ARHGEF12: variants seen among roughly 807,000 people sequenced by gnomAD.
ARHGEF12 encodes KMT2A/ARHGEF12 fusion protein.
ARHGEF12 carries 66 observed loss-of-function variants against 211.2 expected under a neutral mutation model. That is an observed-to-expected ratio of 0.31 (90% CI 0.26 to 0.38). The LOEUF is 0.38. Among genes scored for constraint, ARHGEF12 ranks in the 10% least tolerant of loss-of-function variants. The pLI is 1.00. For missense variants in ARHGEF12, 1,429 were observed against 1,869.5 expected, an observed-to-expected ratio of 0.76 and a Z score of 4.34; for synonymous variants, 592 against 638.4, an observed-to-expected ratio of 0.93 and a Z score of 1.09.
At chr11:120,361,923 G>A (rs529281189) in intron 1 of ARHGEF12, among the ~76,000 whole-genome samples, 1 of 152,316 alleles carries the variant, frequency 6.6e-6, no homozygotes, top group African/African-American at 2.4e-5. Flanking sequence ...CAGCTCAAAA[G>A]GATGCATGAA....
At chr11:120,463,832 A>G (rs1042931563) in intron 27 of ARHGEF12, 5 of 152,224 alleles carry the variant, frequency 3.3e-5, no homozygotes, top group African/African-American at 7.2e-5. Context: ...TTTATGTACA[A>G]ACTTTTGGGA....
rs1442916205 is a variant in ARHGEF12 at position 120,480,065 on chromosome 11, C to T, written c.3872C>T (p.Pro1291Leu). 13 of 1,613,994 alleles carry T rather than the reference C, an allele frequency of 8.1e-6. No homozygotes were observed. The highest frequency in any genetic ancestry group is 1.6e-4 in the Middle Eastern group (1 of 6,084). The change falls in exon 38 of 41, where the codon CCG (proline) becomes CTG (leucine). Residue 1291 changes from proline (P) to leucine (L), a missense_variant. Physicochemically the swap from Pro to Leu is moderately conservative, Grantham distance 98. This residue lies in a region of ARHGEF12 where 467 missense variants were observed against 468.4 expected (regional missense o/e 1.00). Transcript: ENST00000397843. ...FPRYRTASQG[P>L]QTDSVIQNSE... is the part of the protein sequence containing the mutation. ...AGATACAGAACAGCCTCTCAGGGGC[C>T]GCAGACAGACAGTGTCATCCAGAAC...
At chr11:120,478,133 A>G (rs776814494) in intron 36 of ARHGEF12, 23 bp from the exon 37 acceptor site, 3 of 1,533,838 alleles carry the variant, frequency 2.0e-6, no homozygotes, top group Non-Finnish European at 2.7e-6. Flanking sequence ...GATATAGTCT[A>G]CCTTTTCTAT....
chr11:120,394,712 A>G (rs1318657870), intron 1 of ARHGEF12, among the ~76,000 whole-genome samples: 1 of 152,030 alleles, frequency 6.6e-6, no homozygotes, highest in Non-Finnish European at 1.5e-5. Context: ...ACACATTACT[A>G]ATATCATAAA....
Position 120,485,691 on chromosome 11 carries a change from T to C in ARHGEF12, c.*614T>C, listed in dbSNP as rs1171414342. 8.6e-6 allele frequency: 2 copies of C among 233,834 alleles called. No individual in the cohort carries two copies. The highest frequency in any genetic ancestry group is 1.7e-5 in the Non-Finnish European group (2 of 118,248). The allele number at this position is 233,834 out of a possible 1,614,324, so 14.5% of individuals were successfully genotyped here. The stretch of plus-strand genomic sequence containing the variant: ...GTAGGCTGCTTCTCTGAGGGTCACC[T>C]CAAAGGTATGCTATGCCGTGTGGCT... On this transcript the variant is annotated 3_prime_UTR_variant, in exon 41 of 41. Coordinates refer to ENST00000397843, the MANE Select transcript of ARHGEF12 (RefSeq NM_015313.3).
chr11:120,404,518 G>A (rs1944635818), intron 1 of ARHGEF12, among the ~76,000 whole-genome samples: 1 of 152,188 alleles, frequency 6.6e-6, no homozygotes, highest in African/African-American at 2.4e-5. Flanking sequence ...AAGTTGGACT[G>A]TGGGCGTGGT....
chr11:120,414,684 G>A (rs144305740), intron 4 of ARHGEF12, among the ~76,000 whole-genome samples: 1 of 152,222 alleles, frequency 6.6e-6, no homozygotes, highest in East Asian at 1.9e-4. Context: ...TACTCATATG[G>A]CACCAAGAAC....
At chr11:120,480,520 GGTGTGTGTGT>G (rs143487914) in intron 38 of ARHGEF12, 90 bp downstream of exon 38, 27 of 1,040,392 alleles carry the variant, frequency 2.6e-5, no homozygotes, top group Non-Finnish European at 3.6e-5. Flanking sequence ...TTGGTATCCA[GGTGTGTGTGT>G]GTGTGTGTGT....
At chr11:120,364,363 A>T (rs181822718) in intron 1 of ARHGEF12, among the ~76,000 whole-genome samples, 6 of 152,248 alleles carry the variant, frequency 3.9e-5, no homozygotes, top group Admixed American at 1.3e-4. Flanking sequence ...GCAGGTGGGC[A>T]TGTAAATTGG....
intron 27 of ARHGEF12, among the ~76,000 whole-genome samples, chr11:120,462,091 G>C (rs1298233216): frequency 6.6e-6 from 1 of 152,154 alleles, no homozygotes; most frequent in Admixed American, 6.5e-5. Flanking sequence ...TTTGGCGTAA[G>C]AGCCAAATCT....
Position 120,337,186 on chromosome 11 carries a change from G to C in ARHGEF12, c.-58G>C. The stretch of plus-strand genomic sequence containing the variant: ...ATCCCAGAGCACTGGGGGTGGGGAG[G>C]AGGTGTTACTGTAAAATGCAAGTTG... On this transcript the variant is annotated 5_prime_UTR_variant, in exon 1 of 41. Coordinates refer to ENST00000397843, the MANE Select transcript of ARHGEF12 (RefSeq NM_015313.3). 1 of 1,605,914 alleles carries C rather than the reference G, an allele frequency of 6.2e-7. No homozygotes were observed. Among genetic ancestry groups the C allele is most frequent in the Non-Finnish European group, 8.5e-7 (1 of 1,172,486 alleles).
chr11:120,407,219 A>AATG (rs746388944), intron 2 of ARHGEF12, among the ~76,000 whole-genome samples: 2 of 152,198 alleles, frequency 1.3e-5, no homozygotes, highest in Non-Finnish European at 2.9e-5. Context: ...TAATAATAAT[A>AATG]ATGTCATTGG....
intron 1 of ARHGEF12, among the ~76,000 whole-genome samples, chr11:120,363,920 T>C (rs1383985017): frequency 2.0e-5 from 3 of 152,300 alleles, no homozygotes; most frequent in Admixed American, 2.0e-4. Context: ...GGAACTTTAG[T>C]TTTCCAGCTT....
At chr11:120,393,394 T>C (rs1417334883) in intron 1 of ARHGEF12, among the ~76,000 whole-genome samples, 1 of 152,178 alleles carries the variant, frequency 6.6e-6, no homozygotes, top group African/African-American at 2.4e-5. Context: ...ACTATCAGAT[T>C]AGATGAAACA....
chr11:120,448,917 A>G, intron 20 of ARHGEF12, 192 bp from the exon 21 acceptor site: 1 of 446,912 alleles, frequency 2.2e-6, no homozygotes, highest in Non-Finnish European at 3.9e-6. Flanking sequence ...TTTGAAGAAA[A>G]CATCTTGAGT....
intron 1 of ARHGEF12, among the ~76,000 whole-genome samples, chr11:120,378,606 G>C (rs905393170): frequency 6.6e-6 from 1 of 152,150 alleles, no homozygotes; most frequent in African/African-American, 2.4e-5. Context: ...AAGTTGTATA[G>C]TTTAGCTCTT....
chr11:120,484,624 G>C (rs1947351009), intron 40 of ARHGEF12, 117 bp downstream of exon 40: 7 of 929,222 alleles, frequency 7.5e-6, no homozygotes, highest in Non-Finnish European at 1.1e-5. Flanking sequence ...TGTCTTTAAA[G>C]AACTGCCTGT....
At chr11:120,403,704 A>G (rs1177156807) in intron 1 of ARHGEF12, among the ~76,000 whole-genome samples, 1 of 152,196 alleles carries the variant, frequency 6.6e-6, no homozygotes, top group Non-Finnish European at 1.5e-5. Context: ...CCAAGTTATC[A>G]ATATGATATT....
intron 1 of ARHGEF12, among the ~76,000 whole-genome samples, chr11:120,349,704 A>T (rs527477055): frequency 6.6e-6 from 1 of 152,348 alleles, no homozygotes; most frequent in Admixed American, 6.5e-5. Context: ...GTGAGTACCT[A>T]GCACATCGTA....
Sources: gnomAD v4.1 joint callset for allele counts (sites outside exome capture counted in the v4.1 genomes callset) on GRCh38, gnomAD v4.1.1 for gene constraint, gnomAD v4.1.1 regional missense constraint, MANE v1.5 for transcripts, NCBI Gene and HGNC (gene_info 2026-07-23, HGNC 2026-07-21) for gene names.